PVT1: variants seen among roughly 807,000 people sequenced by gnomAD.
PVT1 encodes Pvt1 oncogene, also known as CXCR4/PVT1 fusion.
At chr8:127,984,566 A>G (rs943001697) in intron 3 of PVT1, among the ~76,000 whole-genome samples, 5 of 152,200 alleles carry the variant, frequency 3.3e-5, no homozygotes, top group Non-Finnish European at 5.9e-5. Flanking sequence ...ACTGCAGTAC[A>G]ATACTCCCAT....
chr8:127,994,475 GAGCTTTGTC>G (rs1234761465), intron 4 of PVT1, among the ~76,000 whole-genome samples: 2 of 152,194 alleles, frequency 1.3e-5, no homozygotes, highest in Non-Finnish European at 2.9e-5. Flanking sequence ...GGATAAAAAA[GAGCTTTGTC>G]CTTCTTTAAA....
chr8:127,875,740 A>G (rs1388824868), intron 2 of PVT1, among the ~76,000 whole-genome samples: 5 of 152,174 alleles, frequency 3.3e-5, no homozygotes. Context: ...GCTCATATGC[A>G]CAAGCTTCTA....
chr8:127,996,162 T>C (rs1817101731), intron 4 of PVT1, among the ~76,000 whole-genome samples: 1 of 152,148 alleles, frequency 6.6e-6, no homozygotes, highest in South Asian at 2.1e-4. Context: ...GAAAAGCTCC[T>C]GATCCAGCAG....
At chr8:127,855,561 C>T (rs1393812980) in intron 2 of PVT1, among the ~76,000 whole-genome samples, 1 of 152,208 alleles carries the variant, frequency 6.6e-6, no homozygotes, top group Non-Finnish European at 1.5e-5. Context: ...CCCCTTCTCT[C>T]TCCCGGGAAG....
intron 2 of PVT1, among the ~76,000 whole-genome samples, chr8:127,878,087 G>A (rs192910120): frequency 1.6e-4 from 25 of 152,174 alleles, no homozygotes. Flanking sequence ...CAGGTCCTTG[G>A]CACTTTACCC....
chr8:127,997,044 G>GTTTTTTTTTTTTTTTTT (rs1293036762), intron 4 of PVT1, among the ~76,000 whole-genome samples: 2 of 81,590 alleles, frequency 2.5e-5, no homozygotes, highest in Non-Finnish European at 2.2e-5. Flanking sequence ...ATTTGCTTTC[G>GTTTTTTTTTTTTTTTTT]TTTTTTTTTT....
At chr8:127,799,131 G>T (rs184434895) in intron 2 of PVT1, among the ~76,000 whole-genome samples, 142 of 151,816 alleles carry the variant, frequency 9.4e-4, no homozygotes, top group African/African-American at 3.3e-3. Context: ...GTGGAGTTAG[G>T]TGGGGGGGGA....
chr8:127,821,078 TG>T (rs1259437947), intron 2 of PVT1, among the ~76,000 whole-genome samples: 1 of 152,126 alleles, frequency 6.6e-6, no homozygotes, highest in Admixed American at 6.6e-5. Context: ...TGTTGTCTTG[TG>T]TAACATGAAA....
At chr8:128,004,567 A>G (rs945687340) in intron 4 of PVT1, among the ~76,000 whole-genome samples, 2 of 152,174 alleles carry the variant, frequency 1.3e-5, no homozygotes, top group African/African-American at 4.8e-5. Flanking sequence ...TACCCATCTC[A>G]TCAGATGGCT....
In PVT1 at chr8:127,898,101, A is replaced by T. The variant is rs1937475008; in HGVS notation, n.782+7103A>T. ...GAAAGAAAAGGGAAGGAAGGAAGGAAAGAAGGAAGGAAGGAAGAAAGAAGG... is the reference window on the plus strand; with the variant it reads ...GAAAGAAAAGGGAAGGAAGGAAGGATAGAAGGAAGGAAGGAAGAAAGAAGG... On this transcript the variant is annotated intron_variant and non_coding_transcript_variant, in intron 3 of 10. Transcript: ENST00000651587. This position sits in a 1 kb window ranked among gnomAD's most constrained non-coding sequence, Gnocchi z 4.4. Among the ~76,000 whole-genome samples, 1 of 147,074 alleles carries T rather than the reference A, an allele frequency of 6.8e-6. No individual in the cohort carries two copies. Among genetic ancestry groups the T allele is most frequent in the Non-Finnish European group, 1.5e-5 (1 of 66,352 alleles).
intron 2 of PVT1, among the ~76,000 whole-genome samples, chr8:127,845,658 C>T (rs993394368): frequency 6.6e-6 from 1 of 152,128 alleles, no homozygotes; most frequent in Non-Finnish European, 1.5e-5. Context: ...AGTGATATGA[C>T]CCAGAGCATT....
In PVT1 at chr8:127,849,890, TGTACATA is replaced by T. The variant is rs1336735312; in HGVS notation, n.373-40698_373-40692del. ...CGTGCACGTGCGTGGGTGCACAGCC[TGTACATA>T]TGTGTGTGTGTGCTCCTGCGTGCAC... is the stretch of plus-strand genomic sequence containing the variant. On this transcript the variant is annotated intron_variant and non_coding_transcript_variant, in intron 2 of 10. Transcript: ENST00000651587. Among the ~76,000 whole-genome samples the T allele has an allele frequency of 2.0e-4, 28 of 141,990 alleles. 1 individual carries two copies. The highest frequency in any genetic ancestry group is 2.8e-4 in the Admixed American group (4 of 14,280). 93.2% of individuals were successfully genotyped at this position (141,990 alleles called of 152,430 possible). A position where few individuals can be genotyped will look rare whatever the true frequency, so the allele number is the denominator to read the frequency against.
intron 2 of PVT1, among the ~76,000 whole-genome samples, chr8:127,823,907 C>T (rs1220418743): frequency 6.6e-6 from 1 of 152,196 alleles, no homozygotes; most frequent in Non-Finnish European, 1.5e-5. Flanking sequence ...AAGGGGCTAT[C>T]TGAGGCTGGG....
chr8:127,998,746 TCCTTTCTTTTCCTA>T (rs1287108543), intron 4 of PVT1, among the ~76,000 whole-genome samples: 150 of 148,838 alleles, frequency 1.0e-3, no homozygotes, highest in African/African-American at 3.5e-3. Flanking sequence ...TTCCTTTTCT[TCCTTTCTTTTCCTA>T]CCTTCCTTTT....
intron 3 of PVT1, among the ~76,000 whole-genome samples, chr8:127,901,660 C>T (rs898810296): frequency 1.3e-5 from 2 of 152,106 alleles, no homozygotes; most frequent in Non-Finnish European, 2.9e-5. Flanking sequence ...GATCCTCCCA[C>T]CTTGGCCTCC....
At chr8:128,050,947 A>G (rs1813687117) in intron 4 of PVT1, among the ~76,000 whole-genome samples, 1 of 152,224 alleles carries the variant, frequency 6.6e-6, no homozygotes, top group Non-Finnish European at 1.5e-5. Context: ...CATGTATGAC[A>G]GCAAGAGTGG....
chr8:127,956,855 G>C (rs1337213607), intron 3 of PVT1, among the ~76,000 whole-genome samples: 1 of 152,206 alleles, frequency 6.6e-6, no homozygotes. Context: ...ACTTGAGCTA[G>C]AGCCCTCCTT....
At chr8:127,961,459 G>A (rs1816641886) in intron 3 of PVT1, among the ~76,000 whole-genome samples, 2 of 152,212 alleles carry the variant, frequency 1.3e-5, no homozygotes, top group Admixed American at 6.5e-5. Flanking sequence ...GGTGCTGTGT[G>A]TTGTACTAGG....
At chr8:127,799,545 G>A (rs1353323950) in intron 2 of PVT1, among the ~76,000 whole-genome samples, 1 of 152,234 alleles carries the variant, frequency 6.6e-6, no homozygotes, top group Admixed American at 6.5e-5. Context: ...GGGAAAGTAT[G>A]CTGATGAAAA....
Sources: allele counts gnomAD v4.1 joint callset (sites outside exome capture counted in the v4.1 genomes callset), GRCh38; gene constraint gnomAD v4.1.1; non-coding constraint Gnocchi (gnomAD v3.1); transcripts MANE v1.5; gene names NCBI Gene and HGNC (gene_info 2026-07-23, HGNC 2026-07-21).